DDX19A: variants seen among roughly 807,000 people sequenced by gnomAD.
The protein encoded by DDX19A is ATP-dependent RNA helicase DDX19A.
A neutral mutation model predicts 60.6 loss-of-function variants in DDX19A; 12 were observed. The ratio of observed to expected loss-of-function variants is 0.20; its 90% confidence interval spans 0.13 to 0.32. The LOEUF (loss-of-function observed/expected upper bound fraction) is 0.32, where lower values mean the gene tolerates loss of function less well. Among genes scored for constraint, DDX19A ranks in the 10% least tolerant of loss-of-function variants. The pLI, the probability that DDX19A is intolerant of heterozygous loss-of-function variation, is 1.00. For missense variants in DDX19A, 337 were observed against 600.6 expected (o/e 0.56, Z 4.59); for synonymous variants, 206 against 218.2 (o/e 0.94, Z 0.49).
chr16:70,369,437 C>G (rs1445248911), intron 9 of DDX19A, among the ~76,000 whole-genome samples: 1 of 151,826 alleles, frequency 6.6e-6, no homozygotes, highest in Non-Finnish European at 1.5e-5. Context: ...CTCGGCCTCC[C>G]GAAGTGCTGG....
In DDX19A at chr16:70,372,844, C is replaced by T. The variant is rs1353956951; in HGVS notation, c.*858C>T. ...GTGTCACACGGGGCCGAGAGCTGAG[C>T]AAGAATTTGGAATGGAAGTTATGAC... On this transcript the variant is annotated 3_prime_UTR_variant, in exon 12 of 12. Coordinates refer to ENST00000302243, the MANE Select transcript of DDX19A (RefSeq NM_018332.5). 1 of 152,150 alleles carries T rather than the reference C, an allele frequency of 6.6e-6. No individual in the cohort carries two copies. The highest frequency in any genetic ancestry group is 1.5e-5 in the Non-Finnish European group (1 of 68,072). 9.4% of individuals were successfully genotyped at this position (152,150 alleles called of 1,614,324 possible).
intron 8 of DDX19A, 104 bp downstream of exon 8, chr16:70,366,366 G>C (rs534563809): frequency 1.3e-6 from 2 of 1,509,368 alleles, no homozygotes; most frequent in Non-Finnish European, 1.8e-6. Context: ...CTTGGCTCTC[G>C]TACTCTCAGC....
At position 70,366,784 on chromosome 16, in the gene DDX19A, A is replaced by T; in HGVS notation, c.943A>T (p.Ser315Cys). 1 of 1,614,196 alleles carries T rather than the reference A, an allele frequency of 6.2e-7. No homozygotes were observed. ...TIKQYYVLCS[S>C]RDEKFQALCN... ...CAAGCAGTACTATGTCCTGTGCAGC[A>T]GCAGAGACGAGAAGTTCCAGGCCTT... is the stretch of plus-strand genomic sequence containing the variant. The change falls in exon 9 of 12, where the codon AGC (serine) becomes TGC (cysteine). Residue 315 changes from serine (S) to cysteine (C), a missense_variant. By Grantham distance (112) the Ser-to-Cys change is moderately radical. This residue lies in a region of DDX19A where 117 missense variants were observed against 274.3 expected (regional missense o/e 0.43). Transcript: ENST00000302243.
At chr16:70,354,798 A>G (rs1344778672) in intron 2 of DDX19A, among the ~76,000 whole-genome samples, 1 of 152,110 alleles carries the variant, frequency 6.6e-6, no homozygotes, top group African/African-American at 2.4e-5. Context: ...TTTTGTTTTA[A>G]ATTAGCTGGG....
chr16:70,348,194 T>C (rs1963900123), intron 1 of DDX19A, among the ~76,000 whole-genome samples: 1 of 151,946 alleles, frequency 6.6e-6, no homozygotes, highest in Admixed American at 6.6e-5. Flanking sequence ...GAAGGTAGAA[T>C]GGGTAGGACT....
At chr16:70,367,481 A>G (rs984888868) in intron 9 of DDX19A, among the ~76,000 whole-genome samples, 5 of 152,112 alleles carry the variant, frequency 3.3e-5, no homozygotes, top group African/African-American at 1.2e-4. Flanking sequence ...ATAGTTTTCC[A>G]GTCTCAAACA....
At chr16:70,348,010 G>T in intron 1 of DDX19A, 1 of 450,184 alleles carries the variant, frequency 2.2e-6, no homozygotes, top group Non-Finnish European at 4.5e-6. Flanking sequence ...TTTTTGAGAG[G>T]GCTATTGACA....
intron 4 of DDX19A, among the ~76,000 whole-genome samples, chr16:70,359,034 C>T (rs965251686): frequency 3.3e-5 from 5 of 152,168 alleles, no homozygotes; most frequent in African/African-American, 1.2e-4. Context: ...CTTTAGAAGA[C>T]GTGAGCTCTC....
At chr16:70,356,037 G>A in intron 3 of DDX19A, 75 bp from the exon 4 acceptor site, 1 of 1,592,586 alleles carries the variant, frequency 6.3e-7, no homozygotes, top group Non-Finnish European at 8.6e-7. Flanking sequence ...CTAGTGTGGA[G>A]AGGGAGAAAG....
intron 2 of DDX19A, 42 bp downstream of exon 2, chr16:70,350,647 G>C: frequency 1.3e-6 from 2 of 1,491,342 alleles, no homozygotes; most frequent in Admixed American, 3.6e-5. Context: ...AGTTCCATGT[G>C]GGCCGCTGCT....
intron 2 of DDX19A, 35 bp downstream of exon 2, chr16:70,350,640 T>G (rs1242680306): frequency 6.5e-7 from 1 of 1,535,406 alleles, no homozygotes; most frequent in East Asian, 2.3e-5. Flanking sequence ...AGAAAAGAGT[T>G]CCATGTGGGC....
intron 4 of DDX19A, among the ~76,000 whole-genome samples, chr16:70,357,386 T>TG (rs1964244312): frequency 1.0e-5 from 1 of 96,370 alleles, no homozygotes; most frequent in African/African-American, 3.9e-5. Context: ...TTTTTTTTTT[T>TG]TTTTTTTTTT....
Position 70,355,568 on chromosome 16 carries a change from G to A in DDX19A, c.157+33G>A, listed in dbSNP as rs78291579. On this transcript the variant is annotated intron_variant, in intron 3 of 11. Coordinates refer to ENST00000302243, the MANE Select transcript of DDX19A (RefSeq NM_018332.5). Reference sequence around the variant, plus strand: ...CTTTTGGATGCCCTTGGCAAGAGACGGTATGACCCAGGGCTTGCCTTCCTG... The same window carrying A: ...CTTTTGGATGCCCTTGGCAAGAGACAGTATGACCCAGGGCTTGCCTTCCTG... The A allele has an allele frequency of 1.3e-3, 2,098 of 1,596,162 alleles. 18 individuals carry two copies. The African/African-American group carries it at 0.023, about 18-fold the overall frequency.
intron 4 of DDX19A, among the ~76,000 whole-genome samples, chr16:70,360,411 C>G (rs1964333185): frequency 6.8e-6 from 1 of 147,276 alleles, no homozygotes; most frequent in South Asian, 2.1e-4. Context: ...GTCTCTAACT[C>G]TTAGCCTCAG....
chr16:70,346,933 C>A lies in DDX19A; in HGVS notation c.-59C>A, dbSNP rs765265868. ...CTCGCGCCGGTGGCGAGGTTAGGGC[C>A]CGCGTTGCGACGTGGTGCAGCGCAT... On this transcript the variant is annotated 5_prime_UTR_variant, in exon 1 of 12. Transcript: ENST00000302243. The A allele has an allele frequency of 8.4e-6, 13 of 1,548,920 alleles. No individual in the cohort carries two copies. The highest frequency in any genetic ancestry group is 3.5e-5 in the South Asian group (3 of 86,180).
chr16:70,350,277 T>C (rs1442042164), intron 1 of DDX19A, among the ~76,000 whole-genome samples: 1 of 151,946 alleles, frequency 6.6e-6, no homozygotes, highest in Non-Finnish European at 1.5e-5. Context: ...TAGAAAGAAC[T>C]TGAGTTGGGA....
chr16:70,371,500 G>A lies in DDX19A; in HGVS notation c.1312G>A (p.Ala438Thr). 1 of 1,588,228 alleles carries A rather than the reference G, an allele frequency of 6.3e-7. No homozygotes were observed. The highest frequency in any genetic ancestry group is 8.6e-7 in the Non-Finnish European group (1 of 1,164,802). The change falls in exon 11 of 12, where the codon GCA becomes ACA. Residue 438 changes from alanine to threonine, a missense_variant. Ala to Thr is a moderately conservative substitution (Grantham distance 58). Around this residue, in one of 6 missense-constraint regions of DDX19A, gnomAD observed 29 missense variants for 51.2 expected, o/e 0.57. Transcript: ENST00000302243. ...GGGCCGCTTTGGCAAGAGGGGCCTG[G>A]CAGTGAACATGGTGGACAGCAAGCA... ...RTGRFGKRGL[A>T]VNMVDSKHSM...
At chr16:70,348,546 G>A (rs912619203) in intron 1 of DDX19A, among the ~76,000 whole-genome samples, 1 of 150,044 alleles carries the variant, frequency 6.7e-6, no homozygotes, top group Non-Finnish European at 1.5e-5. Flanking sequence ...AGAATTGCTT[G>A]AACCTGGGAG....
intron 5 of DDX19A, 175 bp from the exon 6 acceptor site, chr16:70,364,368 A>G (rs1280385092): frequency 6.8e-6 from 4 of 590,560 alleles, no homozygotes; most frequent in Non-Finnish European, 1.2e-5. Context: ...CAATTTAAGC[A>G]GCTTTTTAAC....
Sources: gnomAD v4.1 joint callset for allele counts (sites outside exome capture counted in the v4.1 genomes callset) on GRCh38, gnomAD v4.1.1 for gene constraint, gnomAD v4.1.1 regional missense constraint, MANE v1.5 for transcripts, NCBI Gene and HGNC (gene_info 2026-07-23, HGNC 2026-07-21) for gene names.